Variants in VPS13B observed in about 807,000 individuals in gnomAD.
The protein encoded by VPS13B is intermembrane lipid transfer protein VPS13B.
VPS13B carries 285 observed loss-of-function variants against 426.4 expected under a neutral mutation model. The observed-to-expected ratio is 0.67, with a 90% confidence interval of 0.61 to 0.74. The LOEUF is 0.74. Ranked by LOEUF, VPS13B falls within the 30% of genes least tolerant of loss-of-function variation. The pLI is 0.00. For missense variants in VPS13B, 4,537 were observed against 4,782.6 expected, an observed-to-expected ratio of 0.95 and a Z score of 1.51; for synonymous variants, 1,676 against 1,676.4, an observed-to-expected ratio of 1.00 and a Z score of 0.01.
At chr8:99,590,741 G>T (rs1563813012) in intron 33 of VPS13B, among the ~76,000 whole-genome samples, 1 of 152,094 alleles carries the variant, frequency 6.6e-6, no homozygotes, top group East Asian at 1.9e-4. Flanking sequence ...TTGCTGAGGG[G>T]TGCTTTACTT....
At chr8:99,514,681 C>G in intron 29 of VPS13B, among the ~76,000 whole-genome samples, 1 of 152,144 alleles carries the variant, frequency 6.6e-6, no homozygotes, top group Non-Finnish European at 1.5e-5. Context: ...ATTAATTAAT[C>G]TGTTGGGCAG....
chr8:99,511,396 G>C lies in VPS13B; in HGVS notation c.4517G>C (p.Gly1506Ala). The change falls in exon 29 of 62, where the codon GGT becomes GCT. Residue 1506 changes from glycine to alanine, a missense_variant. This residue lies in a region of VPS13B where 4,311 missense variants were observed against 4,474.3 expected (regional missense o/e 0.96). Transcript: ENST00000357162. ...KTQKEKRKSP[G>A]QPMRTHTLTS... ...CAAAAAGAGAAAAGAAAATCTCCTG[G>C]TCAGCCCATGAGGACCCATACACTG... The C allele has an allele frequency of 6.2e-7, 1 of 1,613,742 alleles. No homozygotes were observed. The highest frequency in any genetic ancestry group is 8.5e-7 in the Non-Finnish European group (1 of 1,179,964).
At chr8:99,743,472 C>T (rs560470817) in intron 39 of VPS13B, among the ~76,000 whole-genome samples, 1 of 152,182 alleles carries the variant, frequency 6.6e-6, no homozygotes, top group South Asian at 2.1e-4. Flanking sequence ...GAAAAAACTA[C>T]TTTAAAGTTC....
Position 99,754,864 on chromosome 8 carries a change from G to A in VPS13B, c.7051-11910G>A, listed in dbSNP as rs189050467. On this transcript the variant is annotated intron_variant, in intron 39 of 61. Coordinates refer to ENST00000357162, the MANE Select transcript of VPS13B (RefSeq NM_152564.5). ...AAAGTTACTAATTAGGAGCTTTCAG[G>A]GGCAAAAGGCCTCCCCCAACCCCCA... Among the ~76,000 whole-genome samples the A allele has an allele frequency of 6.3e-3, 952 of 152,024 alleles. 7 individuals are homozygous for A. Among genetic ancestry groups the A allele is most frequent in the African/African-American group, 0.022 (893 of 41,462 alleles).
At chr8:99,820,180 G>A in intron 49 of VPS13B, 58 bp downstream of exon 49, 5 of 1,529,920 alleles carry the variant, frequency 3.3e-6, no homozygotes, top group South Asian at 1.1e-5. Context: ...AGATTTTATT[G>A]TAAAGTTGCG....
chr8:99,467,363 A>G, intron 23 of VPS13B, 51 bp from the exon 24 acceptor site: 3 of 1,533,490 alleles, frequency 2.0e-6, no homozygotes, highest in African/African-American at 1.4e-5. Context: ...GTGAAAATTA[A>G]TTGTCTTTTT....
chr8:99,513,683 C>T (rs1473720427), intron 29 of VPS13B, among the ~76,000 whole-genome samples: 1 of 152,184 alleles, frequency 6.6e-6, no homozygotes, highest in East Asian at 1.9e-4. Flanking sequence ...ACCCATTTCA[C>T]ACCACAAAAT....
intron 24 of VPS13B, among the ~76,000 whole-genome samples, chr8:99,474,658 A>AT (rs967712468): frequency 6.6e-6 from 1 of 152,182 alleles, no homozygotes; most frequent in African/African-American, 2.4e-5. Flanking sequence ...TCATGAAGAA[A>AT]TAGAAATACA....
intron 36 of VPS13B, 25 bp from the exon 37 acceptor site, chr8:99,717,146 A>G (rs949701466): frequency 3.2e-6 from 5 of 1,581,444 alleles, no homozygotes; most frequent in East Asian, 2.2e-5. Context: ...GATGAATTAT[A>G]TACTCTTCTG....
At chr8:99,792,836 A>T (rs796118120) in intron 43 of VPS13B, among the ~76,000 whole-genome samples, 1 of 152,108 alleles carries the variant, frequency 6.6e-6, no homozygotes, top group African/African-American at 2.4e-5. Context: ...CTCTTGACCA[A>T]CAGTCACTGT....
intron 5 of VPS13B, among the ~76,000 whole-genome samples, chr8:99,104,901 A>C (rs930945690): frequency 9.9e-5 from 15 of 152,244 alleles, no homozygotes; most frequent in African/African-American, 3.6e-4. Context: ...TTGGGATTAC[A>C]GGTGTGAGCC....
chr8:99,708,843 C>CTATATA (rs200829327), intron 36 of VPS13B, among the ~76,000 whole-genome samples: 1 of 144,574 alleles, frequency 6.9e-6, no homozygotes, highest in African/African-American at 2.5e-5. Flanking sequence ...CTCTCTCTCT[C>CTATATA]TCTCTCTATA....
chr8:99,173,551 G>A lies in VPS13B; in HGVS notation c.2333+3388G>A, dbSNP rs569111236. Among the ~76,000 whole-genome samples the A allele has an allele frequency of 6.6e-5, 10 of 152,290 alleles. No individual in the cohort carries two copies. The East Asian group carries it at 1.9e-3, about 29-fold the overall frequency. On this transcript the variant is annotated intron_variant, in intron 16 of 61. Coordinates refer to ENST00000357162, the MANE Select transcript of VPS13B (RefSeq NM_152564.5). ...AGTGTTTTTAATGAACCTGGAGATA[G>A]ATCTTCCTTCCAAAACTGTGTTCAT...
intron 24 of VPS13B, among the ~76,000 whole-genome samples, chr8:99,473,298 A>AAT (rs1267685803): frequency 6.6e-6 from 1 of 152,044 alleles, no homozygotes; most frequent in Non-Finnish European, 1.5e-5. Context: ...TAAAAGGCAT[A>AAT]ATATATATAT....
chr8:99,319,347 T>C (rs570221173), intron 19 of VPS13B, among the ~76,000 whole-genome samples: 1 of 152,336 alleles, frequency 6.6e-6, no homozygotes, highest in Admixed American at 6.5e-5. Context: ...AATTTTCTCC[T>C]ATATTGCTGA....
intron 3 of VPS13B, among the ~76,000 whole-genome samples, chr8:99,085,319 C>T (rs1206792902): frequency 6.6e-6 from 1 of 152,132 alleles, no homozygotes; most frequent in Non-Finnish European, 1.5e-5. Context: ...GATCTTCCTC[C>T]ATCCCTTTAT....
At chr8:99,379,984 G>A (rs1158142144) in intron 19 of VPS13B, among the ~76,000 whole-genome samples, 1 of 152,088 alleles carries the variant, frequency 6.6e-6, no homozygotes, top group African/African-American at 2.4e-5. Flanking sequence ...ATCTTGTTCA[G>A]TTAATTGCTT....
chr8:99,206,957 T>TA (rs36120189), intron 17 of VPS13B, among the ~76,000 whole-genome samples: 32 of 151,406 alleles, frequency 2.1e-4, no homozygotes, highest in African/African-American at 6.0e-4. Context: ...TATTCTTGCG[T>TA]AAAAAAAAAT....
At chr8:99,330,572 A>G (rs1208635205) in intron 19 of VPS13B, among the ~76,000 whole-genome samples, 2 of 151,780 alleles carry the variant, frequency 1.3e-5, no homozygotes, top group African/African-American at 4.8e-5. Flanking sequence ...ATTGTTTCCT[A>G]AGTGTTCCCC....
Sources: gnomAD v4.1 joint callset for allele counts (sites outside exome capture counted in the v4.1 genomes callset) on GRCh38, gnomAD v4.1.1 for gene constraint, gnomAD v4.1.1 regional missense constraint, MANE v1.5 for transcripts, NCBI Gene and HGNC (gene_info 2026-07-23, HGNC 2026-07-21) for gene names.